NRBP2: variants seen among roughly 807,000 people sequenced by gnomAD.
NRBP2 encodes nuclear receptor-binding protein 2.
NRBP2 carries 47 observed loss-of-function variants against 74.4 expected under a neutral mutation model. That is an observed-to-expected ratio of 0.63 (90% CI 0.50 to 0.81). NRBP2 has a LOEUF of 0.81. Among genes scored for constraint, NRBP2 ranks in the 30% least tolerant of loss-of-function variants. NRBP2 has a pLI of 0.00. For missense variants in NRBP2, 613 were observed against 690.1 expected (o/e 0.89, Z 1.25); for synonymous variants, 312 against 273.8 (o/e 1.14, Z -1.38).
In NRBP2 at chr8:143,838,092, A is replaced by T. The variant is rs978882160; in HGVS notation, c.841-337T>A. ...CAGCTCGGGCCCAACACTGGAGACG[A>T]CCTTGATGGGTCCCCACTCTGTCCA... is the stretch of plus-strand genomic sequence containing the variant. On this transcript the variant is annotated intron_variant, in intron 10 of 17. Transcript: ENST00000442628. 3 of 546,776 alleles carry T rather than the reference A, an allele frequency of 5.5e-6. No individual in the cohort carries two copies. In the Admixed American group the frequency reaches 8.3e-5, roughly 15 times the overall value. The allele number at this position is 546,776 out of a possible 1,614,324, so 33.9% of individuals were successfully genotyped here. A position where few individuals can be genotyped will look rare whatever the true frequency, so the allele number is the denominator to read the frequency against.
chr8:143,835,738 A>AGGAGGGAGGCATGGGGGAC lies in NRBP2; in HGVS notation c.1438-27_1438-9dup. The AGGAGGGAGGCATGGGGGAC allele has an allele frequency of 6.3e-7, 1 of 1,597,572 alleles. No homozygotes were observed. Among genetic ancestry groups the AGGAGGGAGGCATGGGGGAC allele is most frequent in the Non-Finnish European group, 8.5e-7 (1 of 1,173,954 alleles). ...CAGCTTCATCCGGTCGTCCTGCGGA[A>AGGAGGGAGGCATGGGGGAC]GGAGGGAGGCATGGGGGACGGAGGG... On this transcript the variant is annotated splice_polypyrimidine_tract_variant and intron_variant, in intron 17 of 17. Transcript: ENST00000442628. The surrounding 1 kb of genome is among the most constrained non-coding windows in gnomAD (Gnocchi z 4.9).
rs782819110 is a variant in NRBP2 at position 143,837,320 on chromosome 8, A to G, written c.1077-21T>C. ...AGTACCTGGCATGGAAGTGGGAGGCACATGAGGGGCTGGCCGGGGCGAGGG... is the reference window on the plus strand; with the variant it reads ...AGTACCTGGCATGGAAGTGGGAGGCGCATGAGGGGCTGGCCGGGGCGAGGG... On this transcript the variant is annotated intron_variant, in intron 12 of 17. Transcript: ENST00000442628. This position sits in a 1 kb window ranked among gnomAD's most constrained non-coding sequence, Gnocchi z 4.3. The G allele has an allele frequency of 1.9e-6, 3 of 1,542,436 alleles. No homozygotes were observed. The highest frequency in any genetic ancestry group is 1.7e-4 in the Middle Eastern group (1 of 5,728).
In NRBP2 at chr8:143,835,252, T is replaced by G; in HGVS notation, c.*410A>C. 4.2e-6 allele frequency: 1 copy of G among 240,398 alleles called. No homozygotes were observed. The highest frequency in any genetic ancestry group is 4.9e-5 in the South Asian group (1 of 20,552). The allele number at this position is 240,398 out of a possible 1,614,324, so 14.9% of individuals were successfully genotyped here. ...GGGATGGCTGCTCTCCCAGACCCCA[T>G]GGAGCAGTTCCCTGGGCAGAGGTCT... On this transcript the variant is annotated 3_prime_UTR_variant, in exon 18 of 18. Coordinates refer to ENST00000442628, the MANE Select transcript of NRBP2 (RefSeq NM_178564.4). The surrounding 1 kb of genome is among the most constrained non-coding windows in gnomAD (Gnocchi z 4.9).
chr8:143,831,875 C>T (rs914865088), downstream of NRBP2, among the ~76,000 whole-genome samples: 1 of 152,160 alleles, frequency 6.6e-6, no homozygotes, highest in Non-Finnish European at 1.5e-5. Context: ...GTTCTTGGAA[C>T]TAGAAGAAAA....
At chr8:143,831,712 G>A (rs1441240571), downstream of NRBP2, among the ~76,000 whole-genome samples, 1 of 152,176 alleles carries the variant, frequency 6.6e-6, no homozygotes, top group Non-Finnish European at 1.5e-5. Flanking sequence ...GATAAATCAA[G>A]AAAATTTCCT....
rs1554652867 is a variant in NRBP2 at position 143,839,162 on chromosome 8, C to T, written c.604+10G>A. On this transcript the variant is annotated intron_variant, in intron 7 of 17. Transcript: ENST00000442628. The surrounding 1 kb of genome is among the most constrained non-coding windows in gnomAD (Gnocchi z 5.1). ...CTCCAGGACCCCGTCCCCCCAAAGTCCGCACTTACCATTGGAGAAGATTCG... is the reference window on the plus strand; with the variant it reads ...CTCCAGGACCCCGTCCCCCCAAAGTTCGCACTTACCATTGGAGAAGATTCG... 1 of 1,523,156 alleles carries T rather than the reference C, an allele frequency of 6.6e-7. No individual in the cohort carries two copies. Among genetic ancestry groups the T allele is most frequent in the South Asian group, 1.2e-5 (1 of 82,140 alleles). 94.4% of individuals were successfully genotyped at this position (1,523,156 alleles called of 1,614,324 possible). A position where few individuals can be genotyped will look rare whatever the true frequency, so the allele number is the denominator to read the frequency against.
Position 143,839,156 on chromosome 8 carries a change from C to T in NRBP2, c.604+16G>A, listed in dbSNP as rs1350098970. The T allele has an allele frequency of 1.3e-6, 2 of 1,520,254 alleles. No homozygotes were observed. The highest frequency in any genetic ancestry group is 1.4e-5 in the African/African-American group (1 of 72,814). The allele number at this position is 1,520,254 out of a possible 1,614,324, so 94.2% of individuals were successfully genotyped here. On this transcript the variant is annotated intron_variant, in intron 7 of 17. Transcript: ENST00000442628. This position sits in a 1 kb window ranked among gnomAD's most constrained non-coding sequence, Gnocchi z 5.1. Reference sequence around the variant, plus strand: ...GGACCTCTCCAGGACCCCGTCCCCCCAAAGTCCGCACTTACCATTGGAGAA... The same window carrying T: ...GGACCTCTCCAGGACCCCGTCCCCCTAAAGTCCGCACTTACCATTGGAGAA...
downstream of NRBP2, among the ~76,000 whole-genome samples, chr8:143,831,977 T>C (rs1554650360): frequency 6.6e-6 from 1 of 152,234 alleles, no homozygotes; most frequent in African/African-American, 2.4e-5. Context: ...TATGTGAGGT[T>C]AGCATAAAGA....
At chr8:143,832,183 G>A (rs1190781054), downstream of NRBP2, among the ~76,000 whole-genome samples, 4 of 152,004 alleles carry the variant, frequency 2.6e-5, no homozygotes, top group Non-Finnish European at 4.4e-5. Context: ...ATTAAGGGCG[G>A]TGCAAGATGT....
chr8:143,839,434 A>C lies in NRBP2; in HGVS notation c.486-26T>G. 6.5e-7 allele frequency: 1 copy of C among 1,542,304 alleles called. No homozygotes were observed. Among genetic ancestry groups the C allele is most frequent in the Non-Finnish European group, 8.7e-7 (1 of 1,150,966 alleles). On this transcript the variant is annotated intron_variant, in intron 5 of 17. Transcript: ENST00000442628. The surrounding 1 kb of genome is among the most constrained non-coding windows in gnomAD (Gnocchi z 5.1). ...CTGCAGACGTTGGGGAGGGGAGAGTAGGAGGAGCCGGTCAGGAGGCTCTGG... is the reference window on the plus strand; with the variant it reads ...CTGCAGACGTTGGGGAGGGGAGAGTCGGAGGAGCCGGTCAGGAGGCTCTGG...
At position 143,837,069 on chromosome 8, in the gene NRBP2, C is replaced by T. The variant is rs782244170; in HGVS notation, c.1233G>A (p.Thr411=). Residue 411 remains threonine (T), a synonymous_variant, in exon 14 of 18, where the codon ACG becomes ACA. Transcript: ENST00000442628. This position sits in a 1 kb window ranked among gnomAD's most constrained non-coding sequence, Gnocchi z 4.3. ...TGGTCTCAGAGTCAAAGGGCTCTGGCGTCGGGGTCTTGGCCTTTTGGACCT... is the reference window on the plus strand; with the variant it reads ...TGGTCTCAGAGTCAAAGGGCTCTGGTGTCGGGGTCTTGGCCTTTTGGACCT... The part of the protein sequence containing the change: ...PEEVQKAKTP[T]PEPFDSETRK... 19 of 1,611,736 alleles carry T rather than the reference C, an allele frequency of 1.2e-5. No homozygotes were observed. The highest frequency in any genetic ancestry group is 5.5e-5 in the South Asian group (5 of 90,946).
Position 143,840,219 on chromosome 8 carries a change from C to T in NRBP2, c.140G>A (p.Gly47Glu), listed in dbSNP as rs1453809687. 20 of 1,535,902 alleles carry T rather than the reference C, an allele frequency of 1.3e-5. No homozygotes were observed. In the African/African-American group the frequency reaches 2.6e-4, roughly 20 times the overall value. The change falls in exon 2 of 18, where the codon GGG becomes GAG. Residue 47 changes from glycine to glutamate, a missense_variant. Gly to Glu is a moderately conservative substitution (Grantham distance 98). Transcript: ENST00000442628. The surrounding 1 kb of genome is among the most constrained non-coding windows in gnomAD (Gnocchi z 5.7). ...WQKRREQVNQGNMPGLQSTFL... is the reference protein window; with the variant it reads ...WQKRREQVNQENMPGLQSTFL... Reference sequence around the variant, plus strand: ...GGTGCTCTGAAGCCCTGGCATGTTCCCTTGGTTTACCTGGGGGTGAATAAA... The same window carrying T: ...GGTGCTCTGAAGCCCTGGCATGTTCTCTTGGTTTACCTGGGGGTGAATAAA...
intron 9 of NRBP2, 50 bp downstream of exon 9, chr8:143,838,833 G>C: frequency 1.2e-6 from 2 of 1,612,082 alleles, no homozygotes; most frequent in Non-Finnish European, 1.7e-6. Flanking sequence ...AGCCAGGCAG[G>C]GCACAGTTAG....
Position 143,840,737 on chromosome 8 carries a change from G to C in NRBP2, c.98C>G (p.Pro33Arg). 3 of 1,510,618 alleles carry C rather than the reference G, an allele frequency of 2.0e-6. No individual in the cohort carries two copies. Among genetic ancestry groups the C allele is most frequent in the Non-Finnish European group, 1.8e-6 (2 of 1,135,204 alleles). 93.6% of individuals were successfully genotyped at this position (1,510,618 alleles called of 1,614,324 possible). A position where few individuals can be genotyped will look rare whatever the true frequency, so the allele number is the denominator to read the frequency against. The change falls in exon 1 of 18, where the codon CCG (proline) becomes CGG (arginine). Residue 33 changes from proline (P) to arginine (R), a missense_variant. By Grantham distance (103) the Pro-to-Arg change is moderately radical. Coordinates refer to ENST00000442628, the MANE Select transcript of NRBP2 (RefSeq NM_178564.4). This position sits in a 1 kb window ranked among gnomAD's most constrained non-coding sequence, Gnocchi z 5.7. ...CCGTCGCTTTTGCCAGCGACCACACGGGCTTTCCTCCAGGATGTCGCTCTC... is the reference window on the plus strand; with the variant it reads ...CCGTCGCTTTTGCCAGCGACCACACCGGCTTTCCTCCAGGATGTCGCTCTC... The part of the protein sequence containing the change: ...EDESDILEES[P>R]CGRWQKRREQ...
In NRBP2 at chr8:143,836,147, C is replaced by G. The variant is rs782525529; in HGVS notation, c.1297G>C (p.Glu433Gln). ...IQMQCNLERSEDKARWHLTLL... is the reference protein window; with the variant it reads ...IQMQCNLERSQDKARWHLTLL... ...CTCACATGCCAGCGCGCCTTGTCCT[C>G]GCTTCTCTCCAGGTTGCACTGCATC... The change falls in exon 15 of 18, where the codon GAG (glutamate) becomes CAG (glutamine). Residue 433 changes from glutamate to glutamine, a missense_variant. Coordinates refer to ENST00000442628, the MANE Select transcript of NRBP2 (RefSeq NM_178564.4). 3 of 1,595,994 alleles carry G rather than the reference C, an allele frequency of 1.9e-6. No homozygotes were observed.
chr8:143,830,395 C>CT (rs1818104783), downstream of NRBP2, among the ~76,000 whole-genome samples: 1 of 152,260 alleles, frequency 6.6e-6, no homozygotes, highest in Non-Finnish European at 1.5e-5. Flanking sequence ...ACTGCAGTGT[C>CT]TGAGACGTGA....
chr8:143,840,782 C>T lies in NRBP2; in HGVS notation c.53G>A (p.Arg18Gln). Residue 18 changes from arginine (R) to glutamine (Q), a missense_variant, in exon 1 of 18, where the codon CGG becomes CAG. Arg to Gln is a conservative substitution (Grantham distance 43). Transcript: ENST00000442628. The surrounding 1 kb of genome is among the most constrained non-coding windows in gnomAD (Gnocchi z 5.7). ...GCTCTCGTCCTCGCTCTCGTCCTCC[C>T]GCTCCCGCTCCCGTTCCCGGGCCCG... ...PRRARERERE[R>Q]EDESEDESDI... is the part of the protein sequence containing the mutation. 1 of 1,505,674 alleles carries T rather than the reference C, an allele frequency of 6.6e-7. No homozygotes were observed. The highest frequency in any genetic ancestry group is 8.8e-7 in the Non-Finnish European group (1 of 1,133,154). The allele number at this position is 1,505,674 out of a possible 1,614,324, so 93.3% of individuals were successfully genotyped here. A position where few individuals can be genotyped will look rare whatever the true frequency, so the allele number is the denominator to read the frequency against.
At chr8:143,836,079 C>T (rs782062839) in intron 15 of NRBP2, 48 bp downstream of exon 15, 11 of 1,582,910 alleles carry the variant, frequency 6.9e-6, no homozygotes, top group East Asian at 4.6e-5. Flanking sequence ...GGCTCCGCCA[C>T]GCTCCCGCCT....
At position 143,839,684 on chromosome 8, in the gene NRBP2, G is replaced by A. The variant is rs1818608701; in HGVS notation, c.444+52C>T. 1 of 1,532,404 alleles carries A rather than the reference G, an allele frequency of 6.5e-7. No individual in the cohort carries two copies. The highest frequency in any genetic ancestry group is 2.0e-5 in the Admixed American group (1 of 50,838). The allele number at this position is 1,532,404 out of a possible 1,614,324, so 94.9% of individuals were successfully genotyped here. A position where few individuals can be genotyped will look rare whatever the true frequency, so the allele number is the denominator to read the frequency against. ...CCCCCTCACCATCCCAGTCCCCGAG[G>A]CTGCCCCAACCCCGTCCTGTCCCCG... On this transcript the variant is annotated intron_variant, in intron 4 of 17. Transcript: ENST00000442628. The surrounding 1 kb of genome is among the most constrained non-coding windows in gnomAD (Gnocchi z 5.1).
Sources: allele counts gnomAD v4.1 joint callset (sites outside exome capture counted in the v4.1 genomes callset), GRCh38; gene constraint gnomAD v4.1.1; non-coding constraint Gnocchi (gnomAD v3.1); transcripts MANE v1.5; gene names NCBI Gene and HGNC (gene_info 2026-07-23, HGNC 2026-07-21).